BAX: variants seen among roughly 807,000 people sequenced by gnomAD.
BAX encodes the protein apoptosis regulator BAX.
Under a neutral mutation model 26.8 loss-of-function variants are expected in BAX, and 21 were observed. The ratio of observed to expected loss-of-function variants is 0.78; its 90% CI spans 0.56 to 1.13. The LOEUF is 1.13. Ranked by LOEUF, BAX falls within the 50% of genes most tolerant of loss-of-function variation. The probability of loss-of-function intolerance (pLI) is 0.00; values close to 1 mark genes in which losing one functional copy is unlikely to be tolerated. For synonymous variants in BAX, 110 were observed against 101.8 expected, an observed-to-expected ratio of 1.08 and a Z score of -0.49; for missense variants, 236 against 254.6, an observed-to-expected ratio of 0.93 and a Z score of 0.50.
At position 48,956,007 on chromosome 19, in the gene BAX, A is replaced by C; in HGVS notation, c.233+174A>C. On this transcript the variant is annotated intron_variant, in intron 3 of 5. Coordinates refer to ENST00000345358, the MANE Select transcript of BAX (RefSeq NM_138761.4). ...TGCCAGGATCTTAAAACCCTCCTTCAGGGAGTCATTTTTCCCACCTTCCTA... is the reference window on the plus strand; with the variant it reads ...TGCCAGGATCTTAAAACCCTCCTTCCGGGAGTCATTTTTCCCACCTTCCTA... 20 of 1,125,232 alleles carry C rather than the reference A, an allele frequency of 1.8e-5. No homozygotes were observed. The South Asian group carries it at 3.4e-4, about 19-fold the overall frequency. The allele number at this position is 1,125,232 out of a possible 1,614,324, so 69.7% of individuals were successfully genotyped here.
chr19:48,959,365 AAAAAAAG>A (rs2038262374), intron 4 of BAX, among the ~76,000 whole-genome samples: 1 of 150,786 alleles, frequency 6.6e-6, no homozygotes, highest in East Asian at 2.0e-4. Flanking sequence ...AAAAAAAAAA[AAAAAAAG>A]AAAAGTCCTC....
intron 4 of BAX, chr19:48,960,109 T>C: frequency 2.9e-6 from 1 of 340,766 alleles, no homozygotes. Flanking sequence ...CTTCGGGTCT[T>C]CATCCTGAGG....
At position 48,961,545 on chromosome 19, in the gene BAX, C is replaced by T. The variant is rs1208744100; in HGVS notation, c.488C>T (p.Ser163Phe). ...QDQGGWDGLL[S>F]YFGTPTWQTV... ...CCCTGTCTCCAGGACGGCCTCCTCT[C>T]CTACTTTGGGACGCCCACGTGGCAG... The change falls in exon 6 of 6, where the codon TCC becomes TTC. Residue 163 changes from serine (S) to phenylalanine (F), a missense_variant. By Grantham distance (155) the Ser-to-Phe change is radical (BLOSUM62 -2). Transcript: ENST00000345358. 6.2e-7 allele frequency: 1 copy of T among 1,609,588 alleles called. No individual in the cohort carries two copies. The highest frequency in any genetic ancestry group is 8.5e-7 in the Non-Finnish European group (1 of 1,177,954).
chr19:48,960,653 G>C (rs1039728242), intron 4 of BAX, among the ~76,000 whole-genome samples, 157 bp from the exon 5 acceptor site: 2 of 152,282 alleles, frequency 1.3e-5, no homozygotes, highest in South Asian at 4.1e-4. Flanking sequence ...ATGAGCCGCC[G>C]CACCTGGCCA....
chr19:48,956,138 G>A (rs1265084362), intron 3 of BAX, 60 bp from the exon 4 acceptor site: 41 of 1,457,538 alleles, frequency 2.8e-5, no homozygotes, highest in Non-Finnish European at 3.6e-5. Context: ...GTGGATGCGG[G>A]AATTTTCCAC....
intron 4 of BAX, among the ~76,000 whole-genome samples, chr19:48,959,660 CAA>C (rs1229929205): frequency 4.7e-4 from 44 of 94,608 alleles, no homozygotes; most frequent in African/African-American, 7.9e-4. Context: ...ACTAAAAATT[CAA>C]AAAAAAAAAA....
chr19:48,955,992 T>A, intron 3 of BAX, 159 bp downstream of exon 3: 1 of 1,153,750 alleles, frequency 8.7e-7, no homozygotes, highest in Non-Finnish European at 1.2e-6. Context: ...TGCCAGGATC[T>A]TAAAACCCTC....
At chr19:48,955,863 G>A (rs1170213278) in intron 3 of BAX, 30 bp downstream of exon 3, 2 of 1,550,400 alleles carry the variant, frequency 1.3e-6, no homozygotes, top group Non-Finnish European at 1.7e-6. Context: ...CAGAAGTCCA[G>A]CCACTGGGCT....
Position 48,954,940 on chromosome 19 carries a change from C to G in BAX, c.12C>G (p.Ser4=), listed in dbSNP as rs1379636521. 2 of 1,221,368 alleles carry G rather than the reference C, an allele frequency of 1.6e-6. No individual in the cohort carries two copies. Among genetic ancestry groups the G allele is most frequent in the Non-Finnish European group, 1.0e-6 (1 of 980,174 alleles). The allele number at this position is 1,221,368 out of a possible 1,614,324, so 75.7% of individuals were successfully genotyped here. A position where few individuals can be genotyped will look rare whatever the true frequency, so the allele number is the denominator to read the frequency against. The stretch of plus-strand genomic sequence containing the variant: ...CGGGAGCGGCGGTGATGGACGGGTC[C>G]GGGGAGCAGCCCAGAGGCGGGGGTG... MDG[S]GEQPRGGGPT... Residue 4 remains serine, a synonymous_variant, in exon 1 of 6, where the codon TCC becomes TCG. Transcript: ENST00000345358.
At chr19:48,959,948 G>T (rs530977655) in intron 4 of BAX, among the ~76,000 whole-genome samples, 228 of 143,412 alleles carry the variant, frequency 1.6e-3, no homozygotes, top group African/African-American at 5.7e-3. Context: ...AGCCGAGATT[G>T]CGCCACTGCA....
In BAX at chr19:48,956,318, C is replaced by G. The variant is rs1600103299; in HGVS notation, c.354C>G (p.Ser118Arg). The G allele has an allele frequency of 1.3e-5, 21 of 1,572,762 alleles. No homozygotes were observed. The highest frequency in any genetic ancestry group is 1.8e-5 in the Non-Finnish European group (21 of 1,160,048). ...TTGTCGCCCTTTTCTACTTTGCCAG[C>G]AAACTGGTGCTCAAGGTGGGCAGCT... Reference protein sequence around the residue: ...GRVVALFYFASKLVLKALCTK... With the variant: ...GRVVALFYFARKLVLKALCTK... Residue 118 changes from serine (S) to arginine (R), a missense_variant, in exon 4 of 6, where the codon AGC (serine) becomes AGG (arginine). Physicochemically the swap from Ser to Arg is moderately radical, Grantham distance 110. Transcript: ENST00000345358.
chr19:48,955,719 G>A lies in BAX; in HGVS notation c.119G>A (p.Gly40Glu), dbSNP rs1212791807. 7.4e-6 allele frequency: 12 copies of A among 1,612,886 alleles called. No homozygotes were observed. Among genetic ancestry groups the A allele is most frequent in the Admixed American group, 1.7e-5 (1 of 59,830 alleles). ...FIQDRAGRMG[G>E]EAPELALDPV... ...CAGGATCGAGCAGGGCGAATGGGGG[G>A]GGAGGCACCCGAGCTGGCCCTGGAC... Residue 40 changes from glycine to glutamate, a missense_variant, in exon 3 of 6, where the codon GGG (glycine) becomes GAG (glutamate). Gly to Glu is a moderately conservative substitution (Grantham distance 98). Transcript: ENST00000345358.
chr19:48,954,905 G>T lies in BAX; in HGVS notation c.-24G>T. On this transcript the variant is annotated 5_prime_UTR_variant, in exon 1 of 6. Coordinates refer to ENST00000345358, the MANE Select transcript of BAX (RefSeq NM_138761.4). ...GCGGCCGCCCGCGCGGACCCGGCGA[G>T]AGGCGGCGGCGGGAGCGGCGGTGAT... The T allele has an allele frequency of 8.1e-7, 1 of 1,232,204 alleles. No homozygotes were observed. The highest frequency in any genetic ancestry group is 1.0e-6 in the Non-Finnish European group (1 of 987,488). 76.3% of individuals were successfully genotyped at this position (1,232,204 alleles called of 1,614,324 possible). A position where few individuals can be genotyped will look rare whatever the true frequency, so the allele number is the denominator to read the frequency against.
At chr19:48,956,819 C>CTTTTTTTTTTTTTTTTTTT (rs56251427) in intron 4 of BAX, among the ~76,000 whole-genome samples, 1 of 87,388 alleles carries the variant, frequency 1.1e-5, no homozygotes, top group Non-Finnish European at 2.1e-5. Flanking sequence ...TTATCCCTGG[C>CTTTTTTTTTTTTTTTTTTT]TTTTTTTTTT....
At position 48,958,345 on chromosome 19, in the gene BAX, A is replaced by ATT. The variant is rs34043541; in HGVS notation, c.369+2038_369+2039dup. Among the ~76,000 whole-genome samples the ATT allele has an allele frequency of 1.2e-3, 78 of 64,472 alleles. 5 individuals carry two copies. The highest frequency in any genetic ancestry group is 5.6e-3 in the South Asian group (8 of 1,416). 42.3% of individuals were successfully genotyped at this position (64,472 alleles called of 152,430 possible). On this transcript the variant is annotated intron_variant, in intron 4 of 5. Coordinates refer to ENST00000345358, the MANE Select transcript of BAX (RefSeq NM_138761.4). ...AGGGAGGGATATTTCTTTTTGGAAG[A>ATT]TTTTTTTTTTTTTTTTTTTTTTTTT... is the stretch of plus-strand genomic sequence containing the variant.
chr19:48,961,158 T>C, intron 5 of BAX: 2 of 1,531,644 alleles, frequency 1.3e-6, no homozygotes, highest in Non-Finnish European at 1.7e-6. Flanking sequence ...ACTGTGACCT[T>C]GACTTGATTA....
Position 48,956,276 on chromosome 19 carries a change from C to A in BAX, c.312C>A (p.Asn104Lys). ...CAGCTGACATGTTTTCTGACGGCAA[C>A]TTCAACTGGGGCCGGGTTGTCGCCC... is the stretch of plus-strand genomic sequence containing the variant. ...RVAADMFSDG[N>K]FNWGRVVALF... The change falls in exon 4 of 6, where the codon AAC becomes AAA. Residue 104 changes from asparagine to lysine, a missense_variant. By Grantham distance (94) the Asn-to-Lys change is moderately conservative (BLOSUM62 0). Transcript: ENST00000345358. 1 of 1,590,008 alleles carries A rather than the reference C, an allele frequency of 6.3e-7. No individual in the cohort carries two copies. The highest frequency in any genetic ancestry group is 8.6e-7 in the Non-Finnish European group (1 of 1,169,094).
rs959785917 is a variant in BAX at position 48,955,038 on chromosome 19, G to C, written c.34+76G>C. 4 of 1,236,322 alleles carry C rather than the reference G, an allele frequency of 3.2e-6. No individual in the cohort carries two copies. In the Admixed American group the frequency reaches 1.2e-4, roughly 36 times the overall value. 76.6% of individuals were successfully genotyped at this position (1,236,322 alleles called of 1,614,324 possible). A position where few individuals can be genotyped will look rare whatever the true frequency, so the allele number is the denominator to read the frequency against. ...CGTCCGGGATCCTTCCTACCGGCCT[G>C]GGGCTGTGCGATCTCCAAGCACTGA... On this transcript the variant is annotated intron_variant, in intron 1 of 5. Transcript: ENST00000345358.
At chr19:48,956,412 C>T (rs2122345539) in intron 4 of BAX, 79 bp downstream of exon 4, 1 of 1,419,698 alleles carries the variant, frequency 7.0e-7, no homozygotes, top group East Asian at 2.7e-5. Flanking sequence ...GTATCAACCC[C>T]CTGCAGTGGC....
Sources: gnomAD v4.1 joint callset for allele counts (sites outside exome capture counted in the v4.1 genomes callset) on GRCh38, gnomAD v4.1.1 for gene constraint, MANE v1.5 for transcripts, NCBI Gene and HGNC (gene_info 2026-07-23, HGNC 2026-07-21) for gene names.